CUBN: variants seen among roughly 807,000 people sequenced by gnomAD.
The protein encoded by CUBN is 460 kDa receptor.
Under a neutral mutation model 405.3 loss-of-function variants are expected in CUBN, and 282 were observed. The observed-to-expected ratio is 0.70, with a 90% confidence interval of 0.63 to 0.77. The LOEUF is 0.77. CUBN is among the 30% of genes least tolerant of loss of function. The pLI is 0.00. For missense variants in CUBN, 4,514 were observed against 4,475.2 expected, an observed-to-expected ratio of 1.01 and a Z score of -0.25; for synonymous variants, 1,684 against 1,617.0, an observed-to-expected ratio of 1.04 and a Z score of -0.99.
chr10:16,946,042 G>A (rs1842769735), intron 36 of CUBN, among the ~76,000 whole-genome samples: 1 of 152,118 alleles, frequency 6.6e-6, no homozygotes, highest in African/African-American at 2.4e-5. Flanking sequence ...AAATAAACAG[G>A]ACAGGGTCCT....
chr10:16,958,541 T>G (rs1462234881), intron 31 of CUBN, among the ~76,000 whole-genome samples: 5 of 152,026 alleles, frequency 3.3e-5, no homozygotes, highest in Non-Finnish European at 7.4e-5. Flanking sequence ...AAAGAAGGTT[T>G]TCATGTGTCC....
chr10:16,990,425 TA>T lies in CUBN; in HGVS notation c.4258del (p.Tyr1420ThrfsTer43), dbSNP rs1473673647. 1.9e-6 allele frequency: 3 copies of T among 1,614,198 alleles called. No individual in the cohort carries two copies. Among genetic ancestry groups the T allele is most frequent in the Non-Finnish European group, 2.5e-6 (3 of 1,180,020 alleles). ...GCTACTCCCGGGGTCCGTCCTAATG[TA>T]CCAGATACACTCCTTGTTTGGTGGA... is the stretch of plus-strand genomic sequence containing the variant. The part of the protein sequence containing the change: ...RYPPNKECIW[Y>X]IRTDPGSSIQ... On this transcript the variant is annotated frameshift_variant, in exon 29 of 67. Transcript: ENST00000377833. LOFTEE classifies it high-confidence loss of function.
chr10:16,946,373 T>C lies in CUBN; in HGVS notation c.5342+862A>G, dbSNP rs190116842. Among the ~76,000 whole-genome samples, 322 of 152,162 alleles carry C rather than the reference T, an allele frequency of 2.1e-3. 2 individuals carry two copies. The highest frequency in any genetic ancestry group is 7.4e-3 in the African/African-American group (308 of 41,528). On this transcript the variant is annotated intron_variant, in intron 36 of 66. Coordinates refer to ENST00000377833, the MANE Select transcript of CUBN (RefSeq NM_001081.4). ...GATCCTACTACTAATTCCATATTTA[T>C]AGTCCATTTCAAAAAGTGTTATAGT...
chr10:17,115,788 G>A (rs901012714), intron 6 of CUBN, among the ~76,000 whole-genome samples, 191 bp from the exon 7 acceptor site: 1 of 152,238 alleles, frequency 6.6e-6, no homozygotes, highest in Non-Finnish European at 1.5e-5. Flanking sequence ...GTGGTGGATT[G>A]AGTAAATACA....
intron 27 of CUBN, among the ~76,000 whole-genome samples, chr10:17,031,980 A>C (rs188084480): frequency 4.6e-5 from 7 of 152,330 alleles, no homozygotes; most frequent in Non-Finnish European, 8.8e-5. Context: ...GAGAAAGCAA[A>C]GCCCTTATGG....
chr10:16,995,797 T>C (rs1833716572), intron 28 of CUBN, among the ~76,000 whole-genome samples: 1 of 152,254 alleles, frequency 6.6e-6, no homozygotes. Context: ...CATATTTTTA[T>C]GGTAGTTCAG....
In CUBN at chr10:16,933,201, C is replaced by G; in HGVS notation, c.6010G>C (p.Val2004Leu). 1 of 1,614,082 alleles carries G rather than the reference C, an allele frequency of 6.2e-7. No individual in the cohort carries two copies. The highest frequency in any genetic ancestry group is 1.3e-5 in the African/African-American group (1 of 75,052). The change falls in exon 40 of 67, where the codon GTG becomes CTG. Residue 2004 changes from valine (V) to leucine (L), a missense_variant. Physicochemically the swap from Val to Leu is conservative, Grantham distance 32. Transcript: ENST00000377833. ...GCCTGGATGAGCCACGTACAGTCCA[C>G]TCTATTACTGTAACTGTCAGGCCAG... is the stretch of plus-strand genomic sequence containing the variant. ...PGWPDSYSNRVDCTWLIQAPD... is the reference protein window; with the variant it reads ...PGWPDSYSNRLDCTWLIQAPD...
chr10:17,112,080 T>A (rs918016561), intron 8 of CUBN, among the ~76,000 whole-genome samples: 42 of 152,226 alleles, frequency 2.8e-4, no homozygotes, highest in African/African-American at 9.4e-4. Flanking sequence ...AGATGAGATT[T>A]AAGAATTTTA....
At chr10:17,124,687 T>C (rs750352985) in intron 4 of CUBN, among the ~76,000 whole-genome samples, 7 of 152,084 alleles carry the variant, frequency 4.6e-5, no homozygotes, top group Non-Finnish European at 8.8e-5. Context: ...CTCAGCCTCC[T>C]AAAGTGCTGG....
chr10:17,037,957 T>C lies in CUBN; in HGVS notation c.4017+3076A>G, dbSNP rs527553984. On this transcript the variant is annotated intron_variant, in intron 27 of 66. Transcript: ENST00000377833. ...ACACAGTCACCTTTTTTTTTTTTTT[T>C]AGACAGGGTCTCACTTCGTCACCCA... Among the ~76,000 whole-genome samples the C allele has an allele frequency of 4.0e-3, 601 of 148,506 alleles. 6 individuals carry two copies. The highest frequency in any genetic ancestry group is 0.014 in the African/African-American group (569 of 40,620).
At chr10:16,935,662 G>C (rs1842479503) in intron 39 of CUBN, among the ~76,000 whole-genome samples, 1 of 152,052 alleles carries the variant, frequency 6.6e-6, no homozygotes, top group Non-Finnish European at 1.5e-5. Flanking sequence ...GGCAGATCAT[G>C]AGGTCAGGAG....
chr10:16,876,805 A>G, intron 57 of CUBN, 92 bp downstream of exon 57: 1 of 1,077,240 alleles, frequency 9.3e-7, no homozygotes. Context: ...CTGAATCTTC[A>G]AGTTAGTGCT....
chr10:17,065,576 A>C lies in CUBN; in HGVS notation c.3071T>G (p.Phe1024Cys). Residue 1024 changes from phenylalanine (F) to cysteine (C), a missense_variant, in exon 22 of 67, where the codon TTT becomes TGT. Around this residue, in one of 5 missense-constraint regions of CUBN, gnomAD observed 1,448 missense variants for 1,388.0 expected, o/e 1.04. Coordinates refer to ENST00000377833, the MANE Select transcript of CUBN (RefSeq NM_001081.4). ...ATAAGCGAGGTCGGAGTCAGTCACA[A>C]ACACCAGCATCAATGAGTTACCACT... ...TSSGNSLMLV[F>C]VTDSDLAYEG... 1 of 1,613,720 alleles carries C rather than the reference A, an allele frequency of 6.2e-7. No homozygotes were observed. The highest frequency in any genetic ancestry group is 1.7e-5 in the Admixed American group (1 of 60,002).
At chr10:17,073,357 A>G (rs141154322) in intron 17 of CUBN, among the ~76,000 whole-genome samples, 1 of 152,302 alleles carries the variant, frequency 6.6e-6, no homozygotes, top group African/African-American at 2.4e-5. Context: ...ATAAATTCAA[A>G]AAACATTGTT....
chr10:16,984,867 G>T (rs534955788), intron 29 of CUBN, among the ~76,000 whole-genome samples: 1 of 152,174 alleles, frequency 6.6e-6, no homozygotes. Flanking sequence ...TCTTTAGGAG[G>T]AGTGGAAATA....
intron 48 of CUBN, among the ~76,000 whole-genome samples, chr10:16,910,422 GA>G (rs1841695629): frequency 6.6e-6 from 1 of 152,162 alleles, no homozygotes; most frequent in Admixed American, 6.5e-5. Flanking sequence ...TCAAAAAAAG[GA>G]ATGTGGACAT....
intron 64 of CUBN, among the ~76,000 whole-genome samples, 190 bp from the exon 65 acceptor site, chr10:16,831,607 T>C (rs1236952465): frequency 6.6e-6 from 1 of 152,178 alleles, no homozygotes; most frequent in Non-Finnish European, 1.5e-5. Flanking sequence ...ATGTTCCACG[T>C]GTAGATCAAA....
chr10:16,846,366 G>A (rs1839508166), intron 60 of CUBN, among the ~76,000 whole-genome samples: 1 of 152,172 alleles, frequency 6.6e-6, no homozygotes, highest in Non-Finnish European at 1.5e-5. Context: ...CAGTGTTAGA[G>A]TATTTACATA....
At chr10:17,088,102 G>T in intron 15 of CUBN, 62 bp downstream of exon 15, 1 of 1,371,134 alleles carries the variant, frequency 7.3e-7, no homozygotes, top group Non-Finnish European at 1.0e-6. Context: ...GGCATGGCTA[G>T]ACCATAGTGC....
Sources: allele counts gnomAD v4.1 joint callset (sites outside exome capture counted in the v4.1 genomes callset), GRCh38; gene constraint gnomAD v4.1.1; regional missense constraint gnomAD v4.1.1; transcripts MANE v1.5; gene names NCBI Gene and HGNC (gene_info 2026-07-23, HGNC 2026-07-21).